Variants in IPCEF1 observed in about 807,000 individuals in gnomAD.
The protein encoded by IPCEF1 is interactor protein for cytohesin exchange factors 1.
A neutral mutation model predicts 50.9 loss-of-function variants in IPCEF1; 31 were observed. The observed-to-expected ratio is 0.61, with a 90% CI of 0.46 to 0.82. IPCEF1 has a LOEUF of 0.82. Among genes scored for constraint, IPCEF1 ranks in the 40% least tolerant of loss-of-function variants. The pLI, the probability that IPCEF1 is intolerant of heterozygous loss-of-function variation, is 0.00. For synonymous variants in IPCEF1, 181 were observed against 192.0 expected (o/e 0.94, Z 0.47); for missense variants, 458 against 514.0 (o/e 0.89, Z 1.05).
At chr6:154,199,567 C>A in intron 10 of IPCEF1, 101 bp downstream of exon 10, 1 of 1,317,048 alleles carries the variant, frequency 7.6e-7, no homozygotes, top group Non-Finnish European at 1.0e-6. Context: ...ATTGAATCAT[C>A]ATTCATGAGT....
At chr6:154,226,297 G>A (rs1779245939) in intron 5 of IPCEF1, among the ~76,000 whole-genome samples, 1 of 152,188 alleles carries the variant, frequency 6.6e-6, no homozygotes, top group Admixed American at 6.5e-5. Flanking sequence ...TGGAGCTCCT[G>A]TCCCAGATTT....
chr6:154,223,461 T>C (rs992331167), intron 5 of IPCEF1, among the ~76,000 whole-genome samples: 1 of 152,104 alleles, frequency 6.6e-6, no homozygotes, highest in African/African-American at 2.4e-5. Context: ...CCAAGAGAAG[T>C]GGCATGACAT....
At chr6:154,166,715 G>A (rs560675362) in intron 11 of IPCEF1, among the ~76,000 whole-genome samples, 3 of 152,224 alleles carry the variant, frequency 2.0e-5, no homozygotes, top group East Asian at 3.9e-4. Flanking sequence ...TACATAGTAA[G>A]AGTCAGGAAA....
At position 154,199,815 on chromosome 6, in the gene IPCEF1, T is replaced by C. The variant is rs1336574611; in HGVS notation, c.763A>G (p.Ile255Val). The change falls in exon 10 of 12, where the codon ATC becomes GTC. Residue 255 changes from isoleucine to valine, a missense_variant. Coordinates refer to ENST00000367220, the MANE Select transcript of IPCEF1 (RefSeq NM_001130700.2). ...VHSPVPSEAG[I>V]HKALENSFVT... The stretch of plus-strand genomic sequence containing the variant: ...AAACTGTTTTCCAGGGCCTTGTGGA[T>C]GCCTGCCTCTGAGGGTACAGGTGAA... 1 of 1,614,222 alleles carries C rather than the reference T, an allele frequency of 6.2e-7. No individual in the cohort carries two copies. Among genetic ancestry groups the C allele is most frequent in the Admixed American group, 1.7e-5 (1 of 60,024 alleles).
At chr6:154,214,651 C>G (rs1778239206) in intron 7 of IPCEF1, among the ~76,000 whole-genome samples, 1 of 152,136 alleles carries the variant, frequency 6.6e-6, no homozygotes, top group Non-Finnish European at 1.5e-5. Context: ...AGGTGTTACT[C>G]TTAATAATGT....
At chr6:154,313,637 T>C (rs1276969335) in intron 1 of IPCEF1, among the ~76,000 whole-genome samples, 4 of 152,218 alleles carry the variant, frequency 2.6e-5, no homozygotes, top group Non-Finnish European at 5.9e-5. Flanking sequence ...TACGGTTATA[T>C]AGGCAAGTAA....
At chr6:154,335,182 GTCTA>G (rs140092178) in intron 1 of IPCEF1, among the ~76,000 whole-genome samples, 2,645 of 151,856 alleles carry the variant, frequency 0.017, 72 homozygotes, top group African/African-American at 0.06. Context: ...AAAAGATAAT[GTCTA>G]TCTGTCAGAT....
chr6:154,294,687 C>A (rs971403633), intron 1 of IPCEF1, among the ~76,000 whole-genome samples: 3 of 152,112 alleles, frequency 2.0e-5, no homozygotes, highest in African/African-American at 7.2e-5. Context: ...TGCTGAGAGT[C>A]CCTGTTTCCC....
intron 9 of IPCEF1, among the ~76,000 whole-genome samples, chr6:154,203,986 T>A (rs1006520064): frequency 8.5e-5 from 13 of 152,214 alleles, no homozygotes; most frequent in African/African-American, 3.1e-4. Context: ...TAACCTCAGA[T>A]AAAAGTATTA....
intron 1 of IPCEF1, among the ~76,000 whole-genome samples, chr6:154,314,636 A>G (rs532538857): frequency 2.2e-4 from 34 of 152,280 alleles, no homozygotes; most frequent in Admixed American, 2.2e-3. Context: ...ACTGTTTCTA[A>G]TTGAATTCTC....
At chr6:154,247,345 G>C in intron 4 of IPCEF1, 104 bp downstream of exon 4, 5 of 864,836 alleles carry the variant, frequency 5.8e-6, no homozygotes, top group Non-Finnish European at 9.6e-6. Flanking sequence ...CCTCTTATTA[G>C]CATTAAGACA....
At chr6:154,207,180 G>A (rs2128599884) in intron 9 of IPCEF1, among the ~76,000 whole-genome samples, 1 of 152,348 alleles carries the variant, frequency 6.6e-6, no homozygotes, top group South Asian at 2.1e-4. Context: ...GAGGCTGGGG[G>A]AGAGCCACCG....
intron 2 of IPCEF1, among the ~76,000 whole-genome samples, chr6:154,266,846 CAT>C (rs779226244): frequency 2.0e-5 from 3 of 151,998 alleles, no homozygotes; most frequent in Non-Finnish European, 4.4e-5. Context: ...AAAAAATCCT[CAT>C]GTTTTCAACA....
chr6:154,292,550 T>C (rs1052947382), intron 1 of IPCEF1, among the ~76,000 whole-genome samples: 1 of 152,196 alleles, frequency 6.6e-6, no homozygotes, highest in Admixed American at 6.5e-5. Context: ...AATTTAAGTA[T>C]AGAATTACCG....
intron 1 of IPCEF1, among the ~76,000 whole-genome samples, chr6:154,354,841 T>C (rs1027497699): frequency 2.0e-5 from 3 of 152,214 alleles, no homozygotes; most frequent in Admixed American, 1.3e-4. Flanking sequence ...ATGGCTTTCC[T>C]ACCACATTCA....
intron 1 of IPCEF1, among the ~76,000 whole-genome samples, chr6:154,296,210 G>T (rs1782653827): frequency 6.6e-6 from 1 of 152,194 alleles, no homozygotes; most frequent in South Asian, 2.1e-4. Context: ...ATTCCAAGGG[G>T]TGCTCTTGTT....
intron 5 of IPCEF1, among the ~76,000 whole-genome samples, chr6:154,232,334 T>A (rs1779787894): frequency 6.6e-6 from 1 of 152,202 alleles, no homozygotes; most frequent in Non-Finnish European, 1.5e-5. Flanking sequence ...GTGCTTGGAA[T>A]CCTTTTAAGA....
At chr6:154,222,167 A>C (rs1285001155) in intron 6 of IPCEF1, among the ~76,000 whole-genome samples, 1 of 152,248 alleles carries the variant, frequency 6.6e-6, no homozygotes, top group African/African-American at 2.4e-5. Flanking sequence ...AATAGATTTT[A>C]ATATAAAAGA....
intron 2 of IPCEF1, among the ~76,000 whole-genome samples, chr6:154,269,974 CT>C (rs1372368567): frequency 6.6e-6 from 1 of 152,134 alleles, no homozygotes; most frequent in Non-Finnish European, 1.5e-5. Flanking sequence ...ATAAAAGCAG[CT>C]TGTGAGAAAA....
Sources: gnomAD v4.1 joint callset for allele counts (sites outside exome capture counted in the v4.1 genomes callset) on GRCh38, gnomAD v4.1.1 for gene constraint, MANE v1.5 for transcripts, NCBI Gene and HGNC (gene_info 2026-07-23, HGNC 2026-07-21) for gene names.